Variants in TMEM178B observed in about 807,000 individuals in gnomAD.
TMEM178B encodes transmembrane protein 178B.
In TMEM178B, 5 loss-of-function variants were observed where a neutral mutation model predicts 31.0. That is an observed-to-expected ratio of 0.16 (90% CI 0.08 to 0.34). The LOEUF (loss-of-function observed/expected upper bound fraction) is 0.34, where lower values mean the gene tolerates loss of function less well. TMEM178B is among the 10% of genes least tolerant of loss of function. TMEM178B has a pLI of 1.00. For missense variants in TMEM178B, 275 were observed against 400.3 expected (o/e 0.69, Z 2.67); for synonymous variants, 164 against 164.0 (o/e 1.00, Z 0.00).
intron 1 of TMEM178B, among the ~76,000 whole-genome samples, chr7:141,103,522 A>T (rs1795092146): frequency 6.6e-6 from 1 of 152,094 alleles, no homozygotes; most frequent in South Asian, 2.1e-4. Context: ...CCTGATAATG[A>T]GTTTTTTGAG....
At chr7:141,465,974 G>A (rs759893819) in intron 3 of TMEM178B, among the ~76,000 whole-genome samples, 7 of 152,212 alleles carry the variant, frequency 4.6e-5, no homozygotes, top group Non-Finnish European at 8.8e-5. Context: ...AGTGAGCTAT[G>A]ATTGTACCAC....
At chr7:141,192,543 C>A (rs930822208) in intron 1 of TMEM178B, among the ~76,000 whole-genome samples, 3 of 151,106 alleles carry the variant, frequency 2.0e-5, no homozygotes, top group African/African-American at 7.3e-5. Flanking sequence ...GGCTGGAGTG[C>A]AGTGGGGCGA....
chr7:141,276,891 C>T (rs1041074864), intron 2 of TMEM178B, among the ~76,000 whole-genome samples: 2 of 152,052 alleles, frequency 1.3e-5, no homozygotes, highest in Admixed American at 1.3e-4. Flanking sequence ...CAATAGTATT[C>T]GTGTATTTAA....
intron 2 of TMEM178B, among the ~76,000 whole-genome samples, chr7:141,413,501 T>C (rs1444493185): frequency 6.6e-6 from 1 of 152,222 alleles, no homozygotes; most frequent in Non-Finnish European, 1.5e-5. Context: ...GACAGAGATG[T>C]TAAAGAAAAA....
chr7:141,467,604 C>G (rs1802167628), intron 3 of TMEM178B, among the ~76,000 whole-genome samples: 1 of 152,158 alleles, frequency 6.6e-6, no homozygotes, highest in African/African-American at 2.4e-5. Context: ...CTCTACACTT[C>G]TGACTTAGTG....
chr7:141,357,079 G>A (rs1799833031), intron 2 of TMEM178B, among the ~76,000 whole-genome samples: 1 of 152,136 alleles, frequency 6.6e-6, no homozygotes, highest in African/African-American at 2.4e-5. Flanking sequence ...TGCAATATTG[G>A]TTCAGAACCA....
intron 1 of TMEM178B, among the ~76,000 whole-genome samples, chr7:141,188,373 G>A (rs549994887): frequency 6.6e-6 from 1 of 152,334 alleles, no homozygotes; most frequent in East Asian, 1.9e-4. Context: ...TTTGGATTAG[G>A]AAGGCTCAAT....
intron 2 of TMEM178B, among the ~76,000 whole-genome samples, chr7:141,275,785 G>A (rs1798257023): frequency 6.6e-6 from 1 of 152,132 alleles, no homozygotes; most frequent in African/African-American, 2.4e-5. Context: ...ATTATTTGTT[G>A]TACAGAATTC....
At chr7:141,350,644 T>G (rs980390526) in intron 2 of TMEM178B, among the ~76,000 whole-genome samples, 1 of 152,138 alleles carries the variant, frequency 6.6e-6, no homozygotes, top group Non-Finnish European at 1.5e-5. Context: ...AGTAATGTTA[T>G]TATAGTAAGA....
At chr7:141,289,933 GA>G (rs1331048106) in intron 2 of TMEM178B, among the ~76,000 whole-genome samples, 1 of 151,974 alleles carries the variant, frequency 6.6e-6, no homozygotes, top group Non-Finnish European at 1.5e-5. Context: ...CCAAGAATTA[GA>G]GGCCAGAGAC....
chr7:141,253,283 ACT>A, intron 2 of TMEM178B, among the ~76,000 whole-genome samples: 1 of 151,082 alleles, frequency 6.6e-6, no homozygotes, highest in East Asian at 2.0e-4. Context: ...CCTTCCTTAA[ACT>A]CTTTCCCGTT....
At chr7:141,456,528 T>C (rs1205776743) in intron 3 of TMEM178B, among the ~76,000 whole-genome samples, 1 of 152,242 alleles carries the variant, frequency 6.6e-6, no homozygotes, top group Non-Finnish European at 1.5e-5. Flanking sequence ...CTGTGTGTCC[T>C]GGGCCTCATG....
At chr7:141,238,362 G>A (rs926533600) in intron 2 of TMEM178B, among the ~76,000 whole-genome samples, 5 of 152,192 alleles carry the variant, frequency 3.3e-5, no homozygotes, top group African/African-American at 9.7e-5. Flanking sequence ...AAAAGAGAGG[G>A]AGGAAAGAGA....
intron 1 of TMEM178B, among the ~76,000 whole-genome samples, chr7:141,131,127 G>C (rs978640638): frequency 1.1e-4 from 17 of 152,144 alleles, no homozygotes; most frequent in African/African-American, 4.1e-4. Context: ...TGACCAAGTT[G>C]TTTTTGAATC....
intron 2 of TMEM178B, among the ~76,000 whole-genome samples, chr7:141,392,171 A>G (rs2116605992): frequency 6.6e-6 from 1 of 152,320 alleles, no homozygotes; most frequent in South Asian, 2.1e-4. Flanking sequence ...ACTCAGATTC[A>G]AAACAAAACA....
At chr7:141,384,442 G>A (rs1365135999) in intron 2 of TMEM178B, among the ~76,000 whole-genome samples, 1 of 152,242 alleles carries the variant, frequency 6.6e-6, no homozygotes, top group Admixed American at 6.5e-5. Context: ...CCTATGGCTA[G>A]CCATTCCCAG....
intron 2 of TMEM178B, among the ~76,000 whole-genome samples, chr7:141,418,582 G>A (rs1483797679): frequency 6.6e-6 from 1 of 151,994 alleles, no homozygotes; most frequent in East Asian, 1.9e-4. Context: ...CTTATGCTAG[G>A]TTTGCCCTAC....
At chr7:141,120,347 G>T (rs1227972788) in intron 1 of TMEM178B, among the ~76,000 whole-genome samples, 8 of 151,992 alleles carry the variant, frequency 5.3e-5, no homozygotes, top group Non-Finnish European at 1.2e-4. Context: ...AAAAAATGGT[G>T]GACTATTTTA....
chr7:141,135,904 G>A (rs1411587969), intron 1 of TMEM178B, among the ~76,000 whole-genome samples: 2 of 151,760 alleles, frequency 1.3e-5, no homozygotes, highest in East Asian at 3.9e-4. Flanking sequence ...AAATACAAAG[G>A]ATCAGTGAAA....
Sources: allele counts gnomAD v4.1 joint callset (sites outside exome capture counted in the v4.1 genomes callset), GRCh38; gene constraint gnomAD v4.1.1; transcripts MANE v1.5; gene names NCBI Gene and HGNC (gene_info 2026-07-23, HGNC 2026-07-21).